Variants in CDH12 observed in about 807,000 individuals in gnomAD.
CDH12 encodes the protein cadherin-12.
In CDH12, 41 loss-of-function variants were observed where a neutral mutation model predicts 74.1. The observed-to-expected ratio is 0.55, with a 90% CI of 0.43 to 0.72. CDH12 has a LOEUF of 0.72. CDH12 is among the 30% of genes least tolerant of loss of function. The pLI, the probability that CDH12 is intolerant of heterozygous loss-of-function variation, is 0.00. For synonymous variants in CDH12, 399 were observed against 355.0 expected (o/e 1.12, Z -1.39); for missense variants, 945 against 977.2 (o/e 0.97, Z 0.44).
intron 6 of CDH12, among the ~76,000 whole-genome samples, chr5:21,906,873 C>T (rs1000930248): frequency 6.6e-5 from 10 of 152,112 alleles, no homozygotes; most frequent in South Asian, 2.1e-4. Flanking sequence ...GACGAAGTCT[C>T]TCTTTGTTGC....
rs561176255 is a variant in CDH12, at chr5:22,377,991, T to G, written c.-333+27266A>C. Among the ~76,000 whole-genome samples, 30 of 152,350 alleles carry G rather than the reference T, an allele frequency of 2.0e-4. No individual in the cohort carries two copies. In the East Asian group the frequency reaches 4.6e-3, roughly 24 times the overall value. Reference sequence around the variant, plus strand: ...TCACTCACTAATGGAGAAATATTGTTTTCAGGTTATAACTTTTTTAAGGCT... The same window carrying G: ...TCACTCACTAATGGAGAAATATTGTGTTCAGGTTATAACTTTTTTAAGGCT... On this transcript the variant is annotated intron_variant, in intron 3 of 14. Coordinates refer to ENST00000382254, the MANE Select transcript of CDH12 (RefSeq NM_004061.5).
intron 3 of CDH12, among the ~76,000 whole-genome samples, chr5:22,251,027 G>A (rs1477050894): frequency 6.6e-6 from 1 of 152,190 alleles, no homozygotes; most frequent in Non-Finnish European, 1.5e-5. Context: ...GAAGGGGAAA[G>A]CCAGATTGAA....
chr5:22,682,584 T>C (rs1300886107), intron 1 of CDH12, among the ~76,000 whole-genome samples: 1 of 152,082 alleles, frequency 6.6e-6, no homozygotes, highest in Non-Finnish European at 1.5e-5. Context: ...TAGTTATCTT[T>C]TGAAACCATT....
chr5:22,018,473 C>G (rs1375913337), intron 5 of CDH12, among the ~76,000 whole-genome samples: 2 of 152,164 alleles, frequency 1.3e-5, no homozygotes, highest in Non-Finnish European at 2.9e-5. Context: ...ATTCCATTCA[C>G]TGTGTGCTGC....
chr5:21,957,632 T>C (rs888249553), intron 6 of CDH12, among the ~76,000 whole-genome samples: 5 of 152,212 alleles, frequency 3.3e-5, no homozygotes, highest in African/African-American at 1.2e-4. Flanking sequence ...TTATATTTCA[T>C]TGTGGTTTTA....
chr5:21,995,120 G>A (rs1294685698), intron 5 of CDH12, among the ~76,000 whole-genome samples: 1 of 151,972 alleles, frequency 6.6e-6, no homozygotes, highest in Non-Finnish European at 1.5e-5. Context: ...TCTGAACATT[G>A]GAAGGAACAA....
chr5:22,645,630 A>G (rs1217201245), intron 1 of CDH12, among the ~76,000 whole-genome samples: 1 of 152,008 alleles, frequency 6.6e-6, no homozygotes, highest in Non-Finnish European at 1.5e-5. Context: ...AAAAATTCGA[A>G]TTTAGATCAA....
chr5:22,306,711 A>G (rs1008730792), intron 3 of CDH12, among the ~76,000 whole-genome samples: 11 of 152,132 alleles, frequency 7.2e-5, no homozygotes, highest in Non-Finnish European at 1.2e-4. Flanking sequence ...TCATATCTAC[A>G]AGCAAGATAA....
intron 6 of CDH12, among the ~76,000 whole-genome samples, chr5:21,949,745 A>G (rs113297169): frequency 0.02 from 3,062 of 152,334 alleles, 102 homozygotes; most frequent in African/African-American, 0.069. Flanking sequence ...GAGAATAAGG[A>G]TATAAGGAAA....
At chr5:21,791,610 C>T (rs193092125) in intron 10 of CDH12, among the ~76,000 whole-genome samples, 178 of 149,928 alleles carry the variant, frequency 1.2e-3, no homozygotes, top group Non-Finnish European at 2.1e-3. Context: ...AGTGAAAAAA[C>T]GATTATATGA....
chr5:22,821,351 T>C (rs189448566), intron 1 of CDH12, among the ~76,000 whole-genome samples: 46 of 152,164 alleles, frequency 3.0e-4, no homozygotes, highest in African/African-American at 1.0e-3. Context: ...CTCTCACCAC[T>C]CCTATTCAAC....
chr5:21,962,458 A>G (rs1471658827), intron 6 of CDH12, among the ~76,000 whole-genome samples: 1 of 152,158 alleles, frequency 6.6e-6, no homozygotes, highest in Non-Finnish European at 1.5e-5. Context: ...CATTGTGACA[A>G]TATCTCCATA....
At chr5:22,187,981 C>T (rs534683950) in intron 4 of CDH12, among the ~76,000 whole-genome samples, 11 of 152,050 alleles carry the variant, frequency 7.2e-5, no homozygotes, top group Admixed American at 6.6e-4. Context: ...CTCTGGAACT[C>T]TTTTTATGAG....
rs576302983 is a variant in CDH12 at position 22,774,699 on chromosome 5, T to C, written c.-523+78359A>G. 3.9e-5 allele frequency among the ~76,000 whole-genome samples: 6 copies of C among 152,280 alleles called. No homozygotes were observed. The East Asian group carries it at 1.2e-3, about 29-fold the overall frequency. ...TTATTTTGAGGCCTCCCCAGCCACATTGTGAGTTCTCCATTAAACCTCTTT... is the reference window on the plus strand; with the variant it reads ...TTATTTTGAGGCCTCCCCAGCCACACTGTGAGTTCTCCATTAAACCTCTTT... On this transcript the variant is annotated intron_variant, in intron 1 of 14. Transcript: ENST00000382254.
intron 1 of CDH12, among the ~76,000 whole-genome samples, chr5:22,694,855 A>G (rs1419779053): frequency 6.6e-6 from 1 of 151,856 alleles, no homozygotes; most frequent in African/African-American, 2.4e-5. Context: ...TAGGTTCTGG[A>G]TTACATGTGC....
intron 4 of CDH12, among the ~76,000 whole-genome samples, chr5:22,113,107 T>A (rs1744905937): frequency 6.6e-6 from 1 of 152,162 alleles, no homozygotes; most frequent in Admixed American, 6.5e-5. Flanking sequence ...ATCAGATGGG[T>A]GTTATTTAAC....
chr5:21,938,185 G>A (rs1755159020), intron 6 of CDH12, among the ~76,000 whole-genome samples: 1 of 151,926 alleles, frequency 6.6e-6, no homozygotes, highest in South Asian at 2.1e-4. Flanking sequence ...TCCAACACCT[G>A]GCTCTCTCTC....
chr5:22,194,166 A>C (rs1750469929), intron 4 of CDH12, among the ~76,000 whole-genome samples: 1 of 152,126 alleles, frequency 6.6e-6, no homozygotes, highest in East Asian at 1.9e-4. Context: ...GCTGGCCCCT[A>C]GCCAATGGTA....
At chr5:22,231,635 C>G (rs1752388676) in intron 3 of CDH12, among the ~76,000 whole-genome samples, 1 of 151,934 alleles carries the variant, frequency 6.6e-6, no homozygotes, top group African/African-American at 2.4e-5. Context: ...ATCTCTTCCT[C>G]CCTGTAGAGG....
Sources: allele counts gnomAD v4.1 joint callset (sites outside exome capture counted in the v4.1 genomes callset), GRCh38; gene constraint gnomAD v4.1.1; transcripts MANE v1.5; gene names NCBI Gene and HGNC (gene_info 2026-07-23, HGNC 2026-07-21).